PCDHA4: variants seen among roughly 807,000 people sequenced by gnomAD.
PCDHA4 encodes protocadherin alpha-4.
A neutral mutation model predicts 61.4 loss-of-function variants in PCDHA4; 49 were observed. The observed-to-expected ratio is 0.80, with a 90% CI of 0.63 to 1.01. The LOEUF (loss-of-function observed/expected upper bound fraction) is 1.01, where lower values mean the gene tolerates loss of function less well. Among genes scored for constraint, PCDHA4 ranks in the 50% least tolerant of loss-of-function variants. PCDHA4 has a pLI of 0.00. For missense variants in PCDHA4, 1,254 were observed against 1,235.8 expected (o/e 1.01, Z -0.22); for synonymous variants, 590 against 550.3 (o/e 1.07, Z -1.01).
Position 140,882,245 on chromosome 5 carries a change from G to C in PCDHA4, c.2385+72673G>C, listed in dbSNP as rs376978051. Reference sequence around the variant, plus strand: ...TAAGGCGTTGTATATATTGCAGATAGCTCTGAGGTTTTTGGAGTGTACCAT... The same window carrying C: ...TAAGGCGTTGTATATATTGCAGATACCTCTGAGGTTTTTGGAGTGTACCAT... On this transcript the variant is annotated intron_variant, in intron 1 of 3. Coordinates refer to ENST00000530339, the MANE Select transcript of PCDHA4 (RefSeq NM_018907.4). 82 of 1,592,614 alleles carry C rather than the reference G, an allele frequency of 5.1e-5. No homozygotes were observed. In the African/African-American group the frequency reaches 9.3e-4, roughly 18 times the overall value.
Position 140,836,106 on chromosome 5 carries a change from G to A in PCDHA4, c.2385+26534G>A. Reference sequence around the variant, plus strand: ...GGCGCCTCGGGTGGGTGGCACTGGTGGCGCAGTGAGAGAGCTTGTGCCGCG... The same window carrying A: ...GGCGCCTCGGGTGGGTGGCACTGGTAGCGCAGTGAGAGAGCTTGTGCCGCG... On this transcript the variant is annotated intron_variant, in intron 1 of 3. Coordinates refer to ENST00000530339, the MANE Select transcript of PCDHA4 (RefSeq NM_018907.4). The A allele has an allele frequency of 6.2e-7, 1 of 1,613,738 alleles. No individual in the cohort carries two copies. The highest frequency in any genetic ancestry group is 8.5e-7 in the Non-Finnish European group (1 of 1,179,782).
At chr5:140,948,665 A>T (rs2094288381) in intron 1 of PCDHA4, among the ~76,000 whole-genome samples, 1 of 151,668 alleles carries the variant, frequency 6.6e-6, no homozygotes. Flanking sequence ...ATCTGTAGTG[A>T]TAACATCTTT....
chr5:140,863,474 G>A (rs1440662117), intron 1 of PCDHA4: 3 of 480,748 alleles, frequency 6.2e-6, no homozygotes, highest in African/African-American at 2.0e-5. Context: ...CTGGAGAGTC[G>A]CCTCCCAAGG....
chr5:141,006,296 C>G (rs2153987135), intron 3 of PCDHA4, among the ~76,000 whole-genome samples: 1 of 152,102 alleles, frequency 6.6e-6, no homozygotes, highest in East Asian at 1.9e-4. Context: ...ACTGCAAGCT[C>G]CACTTCCCGG....
intron 1 of PCDHA4, chr5:140,853,562 C>G (rs902693862): frequency 1.0e-6 from 1 of 981,152 alleles, no homozygotes; most frequent in South Asian, 4.8e-5. Flanking sequence ...ATAGGAAAAA[C>G]TAAGTTGTCA....
chr5:140,927,277 G>T, intron 1 of PCDHA4: 1 of 1,614,016 alleles, frequency 6.2e-7, no homozygotes, highest in Non-Finnish European at 8.5e-7. Context: ...TGCCGGCGAC[G>T]TGCAGCTGCA....
intron 1 of PCDHA4, among the ~76,000 whole-genome samples, chr5:140,923,268 G>C (rs2081286092): frequency 6.6e-6 from 1 of 152,154 alleles, no homozygotes; most frequent in Non-Finnish European, 1.5e-5. Context: ...GTGAGACCTT[G>C]TCTCTACAAA....
intron 1 of PCDHA4, chr5:140,823,855 G>T: frequency 6.2e-7 from 1 of 1,613,846 alleles, no homozygotes; most frequent in South Asian, 1.1e-5. Flanking sequence ...TGCCCTGGTG[G>T]ATGTCAACGT....
intron 1 of PCDHA4, chr5:140,876,746 T>C (rs1411489174): frequency 3.7e-6 from 6 of 1,614,098 alleles, no homozygotes; most frequent in Admixed American, 3.3e-5. Flanking sequence ...GAGCTGGTGG[T>C]GACTGCGCGG....
chr5:140,899,936 T>G (rs1443562291), intron 1 of PCDHA4, among the ~76,000 whole-genome samples: 1 of 152,064 alleles, frequency 6.6e-6, no homozygotes, highest in Non-Finnish European at 1.5e-5. Flanking sequence ...GCCTCCTGAA[T>G]AGCTGGGACC....
At position 140,850,728 on chromosome 5, in the gene PCDHA4, G is replaced by T. The variant is rs2150496245; in HGVS notation, c.2385+41156G>T. The T allele has an allele frequency of 4.2e-5, 67 of 1,598,072 alleles. 6 individuals are homozygous for T. The highest frequency in any genetic ancestry group is 5.7e-5 in the Non-Finnish European group (66 of 1,167,642). On this transcript the variant is annotated intron_variant, in intron 1 of 3. Transcript: ENST00000530339. ...GCCGACGCTGGTGTGTTCTAGCGCGGTGGGGAGTTGGTCGTACTCGCAGCA... is the reference window on the plus strand; with the variant it reads ...GCCGACGCTGGTGTGTTCTAGCGCGTTGGGGAGTTGGTCGTACTCGCAGCA...
intron 1 of PCDHA4, among the ~76,000 whole-genome samples, chr5:140,838,797 C>T (rs1775892609): frequency 6.6e-6 from 1 of 151,930 alleles, no homozygotes; most frequent in African/African-American, 2.4e-5. Flanking sequence ...TGATGCATGT[C>T]TGTAGTTTCA....
intron 3 of PCDHA4, among the ~76,000 whole-genome samples, chr5:140,996,976 G>A (rs573896136): frequency 2.6e-5 from 4 of 152,078 alleles, no homozygotes; most frequent in East Asian, 3.9e-4. Flanking sequence ...CTCCCCTTTG[G>A]TGAAGCAACC....
At chr5:140,910,072 T>A (rs546252378) in intron 1 of PCDHA4, among the ~76,000 whole-genome samples, 359 of 152,300 alleles carry the variant, frequency 2.4e-3, no homozygotes, top group African/African-American at 8.0e-3. Flanking sequence ...ACAGCGTAAA[T>A]TGTTGTCAAG....
chr5:140,878,139 T>G, intron 1 of PCDHA4: 1 of 191,254 alleles, frequency 5.2e-6, no homozygotes, highest in South Asian at 1.6e-4. Flanking sequence ...AGTGGCCAGA[T>G]GTTTGATAAC....
chr5:140,860,649 A>T (rs1256237065), intron 1 of PCDHA4: 2 of 152,282 alleles, frequency 1.3e-5, no homozygotes, highest in Non-Finnish European at 2.9e-5. Context: ...GAAGAAGATA[A>T]GTGAAATAAT....
At chr5:140,882,601 C>G (rs1322989069) in intron 1 of PCDHA4, 1 of 1,614,144 alleles carries the variant, frequency 6.2e-7, no homozygotes, top group Admixed American at 1.7e-5. Flanking sequence ...TGATCGTGGA[C>G]AGGCCTCTGC....
chr5:140,842,018 C>T, intron 1 of PCDHA4: 1 of 1,613,764 alleles, frequency 6.2e-7, no homozygotes, highest in Non-Finnish European at 8.5e-7. Context: ...GGTCACAGTG[C>T]TGGATGTGAA....
intron 1 of PCDHA4, chr5:140,968,662 C>CT (rs781816838): frequency 1.2e-6 from 2 of 1,614,158 alleles, no homozygotes; most frequent in South Asian, 2.2e-5. Context: ...ACCTGGACCT[C>CT]TTTAAGGTAG....
Sources: allele counts gnomAD v4.1 joint callset (sites outside exome capture counted in the v4.1 genomes callset), GRCh38; gene constraint gnomAD v4.1.1; transcripts MANE v1.5; gene names NCBI Gene and HGNC (gene_info 2026-07-23, HGNC 2026-07-21).